Variants in HIP1 observed in about 807,000 individuals in gnomAD.
HIP1 encodes the protein huntingtin-interacting protein 1.
Under a neutral mutation model 147.6 loss-of-function variants are expected in HIP1, and 65 were observed. The ratio of observed to expected loss-of-function variants is 0.44; its 90% CI spans 0.36 to 0.54. The LOEUF (loss-of-function observed/expected upper bound fraction) is 0.54. Ranked by LOEUF, HIP1 falls within the 20% of genes least tolerant of loss-of-function variation. The pLI is 0.00. For synonymous variants in HIP1, 479 were observed against 504.0 expected (o/e 0.95, Z 0.67); for missense variants, 1,061 against 1,299.6 (o/e 0.82, Z 2.82).
At chr7:75,659,356 T>C (rs1469679808) in intron 1 of HIP1, among the ~76,000 whole-genome samples, 1 of 152,188 alleles carries the variant, frequency 6.6e-6, no homozygotes, top group Non-Finnish European at 1.5e-5. Context: ...TGGCAACTAC[T>C]GTTATTAGAA....
At position 75,556,711 on chromosome 7, in the gene HIP1, T is replaced by C; in HGVS notation, c.1682A>G (p.Gln561Arg). The change falls in exon 17 of 31, where the codon CAG becomes CGG. Residue 561 changes from glutamine (Q) to arginine (R), a missense_variant and splice_region_variant. By Grantham distance (43) the Gln-to-Arg change is conservative. Coordinates refer to ENST00000336926, the MANE Select transcript of HIP1 (RefSeq NM_005338.7). ...VLQGSLETSA[Q>R]SEANWAAEFA... ...CAAAAAAAAAAAGGAGGTATTTACC[T>C]GGGCAGAAGTTTCCAGGCTGCCTTG... 3 of 1,589,730 alleles carry C rather than the reference T, an allele frequency of 1.9e-6. No homozygotes were observed. Among genetic ancestry groups the C allele is most frequent in the Admixed American group, 1.7e-5 (1 of 57,314 alleles).
chr7:75,583,861 C>G (rs1322321354), intron 5 of HIP1, among the ~76,000 whole-genome samples: 1 of 151,464 alleles, frequency 6.6e-6, no homozygotes, highest in African/African-American at 2.4e-5. Flanking sequence ...CTCCTGACCT[C>G]AGGTGATCCG....
intron 2 of HIP1, among the ~76,000 whole-genome samples, chr7:75,595,338 G>GTTCT (rs1263124889): frequency 8.5e-6 from 1 of 117,328 alleles, no homozygotes; most frequent in South Asian, 2.7e-4. Context: ...TCTCTCGTTC[G>GTTCT]TTCTTTCTTT....
At chr7:75,549,370 TTC>T (rs1794694158) in intron 22 of HIP1, among the ~76,000 whole-genome samples, 1 of 129,840 alleles carries the variant, frequency 7.7e-6, no homozygotes. Flanking sequence ...TTCTTTTCTT[TTC>T]TTTTTTTTTT....
chr7:75,538,983 A>G (rs1297607272), intron 30 of HIP1, among the ~76,000 whole-genome samples: 9 of 151,964 alleles, frequency 5.9e-5, no homozygotes, highest in South Asian at 2.1e-4. Context: ...ACTGACCACT[A>G]TTTATTCATT....
intron 5 of HIP1, among the ~76,000 whole-genome samples, chr7:75,582,553 G>C (rs890490023): frequency 9.2e-5 from 14 of 152,166 alleles, no homozygotes; most frequent in Admixed American, 6.5e-4. Context: ...GCTCACACCT[G>C]TAATCCCAGC....
At chr7:75,708,302 C>T (rs1209074751) in intron 1 of HIP1, among the ~76,000 whole-genome samples, 1 of 152,068 alleles carries the variant, frequency 6.6e-6, no homozygotes, top group Non-Finnish European at 1.5e-5. Flanking sequence ...CTGTAGGTTG[C>T]CTTTTTTAAT....
intron 1 of HIP1, among the ~76,000 whole-genome samples, chr7:75,666,380 G>A (rs1799560801): frequency 6.6e-6 from 1 of 152,018 alleles, no homozygotes; most frequent in Admixed American, 6.6e-5. Context: ...ATGTTGGCCA[G>A]GCTGGTCTCA....
At chr7:75,685,634 C>T (rs1554517508) in intron 1 of HIP1, among the ~76,000 whole-genome samples, 1 of 152,202 alleles carries the variant, frequency 6.6e-6, no homozygotes, top group Non-Finnish European at 1.5e-5. Context: ...TTGCAGCCTC[C>T]AACTCCTGGG....
intron 2 of HIP1, among the ~76,000 whole-genome samples, chr7:75,595,373 C>T (rs587594951): frequency 2.9e-4 from 44 of 150,690 alleles, no homozygotes; most frequent in Non-Finnish European, 5.9e-4. Flanking sequence ...GACAGGGTCT[C>T]GCTCTGTTGC....
chr7:75,606,508 G>A (rs1483576937), intron 1 of HIP1, among the ~76,000 whole-genome samples: 1 of 151,960 alleles, frequency 6.6e-6, no homozygotes, highest in Non-Finnish European at 1.5e-5. Context: ...CACGGGAGGT[G>A]CAGGTTGCAG....
At chr7:75,579,535 G>A (rs963107534) in intron 7 of HIP1, among the ~76,000 whole-genome samples, 13 of 151,802 alleles carry the variant, frequency 8.6e-5, no homozygotes, top group Non-Finnish European at 1.6e-4. Flanking sequence ...CAGGTGATCC[G>A]CCCCCCTTGG....
chr7:75,702,235 C>T (rs938612204), intron 1 of HIP1, among the ~76,000 whole-genome samples: 1 of 152,040 alleles, frequency 6.6e-6, no homozygotes, highest in Non-Finnish European at 1.5e-5. Context: ...CTCAGCCTCC[C>T]GAGTAGCTGG....
intron 5 of HIP1, among the ~76,000 whole-genome samples, chr7:75,583,272 A>C (rs1796125295): frequency 6.6e-6 from 1 of 152,076 alleles, no homozygotes; most frequent in African/African-American, 2.4e-5. Flanking sequence ...ACTGCTTGGA[A>C]GACCTGCTGA....
intron 1 of HIP1, among the ~76,000 whole-genome samples, chr7:75,698,800 C>T (rs1347420923): frequency 6.6e-6 from 1 of 150,604 alleles, no homozygotes; most frequent in Non-Finnish European, 1.5e-5. Flanking sequence ...GCCTGGATGA[C>T]AGAGTGAGAC....
intron 1 of HIP1, among the ~76,000 whole-genome samples, chr7:75,673,818 T>TAAAAAAAA (rs1360714822): frequency 1.5e-4 from 5 of 33,724 alleles, no homozygotes; most frequent in Non-Finnish European, 2.3e-4. Flanking sequence ...GCCCTATCTC[T>TAAAAAAAA]ACAAAAAAAA....
chr7:75,580,479 T>C (rs999879012), intron 7 of HIP1, among the ~76,000 whole-genome samples: 1 of 152,074 alleles, frequency 6.6e-6, no homozygotes, highest in Non-Finnish European at 1.5e-5. Flanking sequence ...AGCTCACGCC[T>C]GTAATCCCAG....
chr7:75,550,927 TA>T (rs587761606), intron 22 of HIP1, among the ~76,000 whole-genome samples: 182 of 152,234 alleles, frequency 1.2e-3, no homozygotes, highest in Non-Finnish European at 2.1e-3. Flanking sequence ...TATATGATCA[TA>T]GGGGCAAATT....
intron 1 of HIP1, among the ~76,000 whole-genome samples, chr7:75,710,775 T>A (rs1449467666): frequency 7.2e-5 from 11 of 152,168 alleles, no homozygotes; most frequent in Admixed American, 1.3e-4. Context: ...TAATTTTTTT[T>A]AATTAATGCC....
Sources: allele counts gnomAD v4.1 joint callset (sites outside exome capture counted in the v4.1 genomes callset), GRCh38; gene constraint gnomAD v4.1.1; transcripts MANE v1.5; gene names NCBI Gene and HGNC (gene_info 2026-07-23, HGNC 2026-07-21).